The following OR2T1 variants were observed in gnomAD, a reference collection of about 807,000 sequenced individuals.
The protein encoded by OR2T1 is olfactory receptor family 2 subfamily T member 1.
For synonymous variants in OR2T1, 186 were observed against 145.4 expected (o/e 1.28, Z -2.01); for missense variants, 440 against 390.2 (o/e 1.13, Z -1.07).
chr1:248,407,399 CAAAG>C lies in OR2T1; in HGVS notation c.*299_*302del, dbSNP rs757570910. ...TCCAATCTTTCCCCGCTTTTGGTCA[CAAAG>C]AAATTATCTGACTACCTTGTCTGAC... On this transcript the variant is annotated 3_prime_UTR_variant, in exon 2 of 2. Coordinates refer to ENST00000642005, the MANE Select transcript of OR2T1 (RefSeq NM_030904.2). The C allele has an allele frequency of 3.9e-5, 14 of 360,620 alleles. No homozygotes were observed. Among genetic ancestry groups the C allele is most frequent in the East Asian group, 3.6e-4 (8 of 22,154 alleles). The allele number at this position is 360,620 out of a possible 1,614,324, so 22.3% of individuals were successfully genotyped here.
chr1:248,406,962 T>C lies in OR2T1; in HGVS notation c.815T>C (p.Val272Ala), dbSNP rs772897580. ...TACCACAAGCCAGCCCAGGACAAAGTCCTCTCTGTGTTTTACACCATTCTC... is the reference window on the plus strand; with the variant it reads ...TACCACAAGCCAGCCCAGGACAAAGCCCTCTCTGTGTTTTACACCATTCTC... The part of the protein sequence containing the change: ...HSYHKPAQDK[V>A]LSVFYTILTP... The change falls in exon 2 of 2, where the codon GTC becomes GCC. Residue 272 changes from valine (V) to alanine (A), a missense_variant. By Grantham distance (64) the Val-to-Ala change is moderately conservative. Transcript: ENST00000642005. 1 of 1,614,098 alleles carries C rather than the reference T, an allele frequency of 6.2e-7. No individual in the cohort carries two copies. The highest frequency in any genetic ancestry group is 1.1e-5 in the South Asian group (1 of 91,082).
intron 1 of OR2T1, among the ~76,000 whole-genome samples, chr1:248,404,954 T>A (rs565604861): frequency 6.6e-6 from 1 of 152,302 alleles, no homozygotes; most frequent in East Asian, 1.9e-4. Context: ...CCTCACTTCT[T>A]AGTTTTATTG....
In OR2T1 at chr1:248,406,795, C is replaced by A. The variant is rs1558315656; in HGVS notation, c.648C>A (p.Ser216=). ...TTCCTTTCTCTGTAGTCCTTGCTTC[C>A]TATGCCCGAATCCTGACTACAGTTC... is the stretch of plus-strand genomic sequence containing the variant. ...LLIPFSVVLA[S]YARILTTVQC... The change falls in exon 2 of 2, where the codon TCC becomes TCA. Residue 216 remains serine (S), a synonymous_variant. Transcript: ENST00000642005. 1 of 1,614,184 alleles carries A rather than the reference C, an allele frequency of 6.2e-7. No homozygotes were observed. The highest frequency in any genetic ancestry group is 2.2e-5 in the East Asian group (1 of 44,872).
chr1:248,404,075 A>C (rs1265533317), intron 1 of OR2T1, among the ~76,000 whole-genome samples: 2 of 138,260 alleles, frequency 1.4e-5, no homozygotes, highest in African/African-American at 5.3e-5. Flanking sequence ...CTGTAACCTG[A>C]AATTGTATAA....
In OR2T1 at chr1:248,407,877, A is replaced by C. The variant is rs1661604678; in HGVS notation, c.*773A>C. ...TAAACATAGGTAAGTGTTTCCTTGA[A>C]TTCTGTGAGCCTTTATAGTAAACTA... On this transcript the variant is annotated 3_prime_UTR_variant, in exon 2 of 2. Transcript: ENST00000642005. The C allele has an allele frequency of 8.8e-6, 1 of 113,950 alleles. No homozygotes were observed. The highest frequency in any genetic ancestry group is 1.1e-4 in the Admixed American group (1 of 9,090). The allele number at this position is 113,950 out of a possible 1,614,324, so 7.1% of individuals were successfully genotyped here.
In OR2T1 at chr1:248,407,908, A is replaced by G. The variant is rs1170827148; in HGVS notation, c.*804A>G. The stretch of plus-strand genomic sequence containing the variant: ...TGAGCCTTTATAGTAAACTAACTGA[A>G]CCCAAGGAAGGGCCGTGGGATCCCC... On this transcript the variant is annotated 3_prime_UTR_variant, in exon 2 of 2. Coordinates refer to ENST00000642005, the MANE Select transcript of OR2T1 (RefSeq NM_030904.2). The G allele has an allele frequency of 6.6e-6, 1 of 152,236 alleles. No individual in the cohort carries two copies. The highest frequency in any genetic ancestry group is 2.4e-5 in the African/African-American group (1 of 41,446). The allele number at this position is 152,236 out of a possible 1,614,324, so 9.4% of individuals were successfully genotyped here.
In OR2T1 at chr1:248,407,216, G is replaced by T; in HGVS notation, c.*112G>T. The stretch of plus-strand genomic sequence containing the variant: ...GAGGGAGTCATATGATTACAATATT[G>T]GTTTTTTGGCTAGGGTTTCTGGTTC... On this transcript the variant is annotated 3_prime_UTR_variant, in exon 2 of 2. Transcript: ENST00000642005. The T allele has an allele frequency of 8.8e-7, 1 of 1,130,728 alleles. No homozygotes were observed. The highest frequency in any genetic ancestry group is 1.2e-6 in the Non-Finnish European group (1 of 801,692). The allele number at this position is 1,130,728 out of a possible 1,614,324, so 70.0% of individuals were successfully genotyped here.
rs546532123 is a variant in OR2T1, at chr1:248,406,802, C to T, written c.655C>T (p.Arg219Ter). ...CTCTGTAGTCCTTGCTTCCTATGCC[C>T]GAATCCTGACTACAGTTCAGTGCAT... Reference protein sequence around the residue: ...PFSVVLASYARILTTVQCMSS... With the variant: ...PFSVVLASYA The change falls in exon 2 of 2, where the codon CGA becomes TGA. Residue 219 changes from arginine to a stop codon, truncating the protein, a stop_gained. Transcript: ENST00000642005. LOFTEE classifies it low-confidence loss of function (END_TRUNC). 3.5e-5 allele frequency: 57 copies of T among 1,613,968 alleles called. No individual in the cohort carries two copies. In the Middle Eastern group the frequency reaches 9.9e-4, roughly 28 times the overall value.
chr1:248,404,245 G>GGCTATTACAAAT, intron 1 of OR2T1, among the ~76,000 whole-genome samples: 34 of 151,050 alleles, frequency 2.3e-4, no homozygotes, highest in East Asian at 3.9e-4. Flanking sequence ...AGACAGCAGA[G>GGCTATTACAAAT]ACCACTGTTT....
chr1:248,406,049 T>G, intron 1 of OR2T1, 66 bp from the exon 2 acceptor site: 2 of 1,613,186 alleles, frequency 1.2e-6, no homozygotes, highest in Non-Finnish European at 1.7e-6. Context: ...AAAAGTTTGC[T>G]GCCTAACAAT....
rs940613468 is a variant in OR2T1 at position 248,407,640 on chromosome 1, T to C, written c.*536T>C. The C allele has an allele frequency of 3.3e-5, 5 of 152,600 alleles. No homozygotes were observed. Among genetic ancestry groups the C allele is most frequent in the Admixed American group, 3.3e-4 (5 of 15,286 alleles). The allele number at this position is 152,600 out of a possible 1,614,324, so 9.5% of individuals were successfully genotyped here. On this transcript the variant is annotated 3_prime_UTR_variant, in exon 2 of 2. Coordinates refer to ENST00000642005, the MANE Select transcript of OR2T1 (RefSeq NM_030904.2). ...ATGACTATTCAATAAAGTCTCCATA[T>C]AAGGGCCAAAAGGAGAGGACAGAAA... is the stretch of plus-strand genomic sequence containing the variant.
chr1:248,406,253 A>G lies in OR2T1; in HGVS notation c.106A>G (p.Thr36Ala). ...IFAIISIIFF[T>A]ALMANGVMIF... is the part of the protein sequence containing the mutation. Reference sequence around the variant, plus strand: ...TGCCATCATCTCTATCATCTTCTTCACCGCACTGATGGCCAATGGGGTTAT... The same window carrying G: ...TGCCATCATCTCTATCATCTTCTTCGCCGCACTGATGGCCAATGGGGTTAT... Residue 36 changes from threonine (T) to alanine (A), a missense_variant, in exon 2 of 2, where the codon ACC (threonine) becomes GCC (alanine). By Grantham distance (58) the Thr-to-Ala change is moderately conservative. Coordinates refer to ENST00000642005, the MANE Select transcript of OR2T1 (RefSeq NM_030904.2). The G allele has an allele frequency of 1.2e-6, 2 of 1,614,106 alleles. No homozygotes were observed. The highest frequency in any genetic ancestry group is 2.2e-5 in the South Asian group (2 of 91,070).
In OR2T1 at chr1:248,406,115, A is replaced by T. The variant is rs374334348; in HGVS notation, c.-33A>T. ...GGAATGCTATCATCTTATTTGGAAG[A>T]TATTACCTTATATCGGCACAACTGT... is the stretch of plus-strand genomic sequence containing the variant. On this transcript the variant is annotated splice_region_variant and 5_prime_UTR_variant, in exon 2 of 2. Coordinates refer to ENST00000642005, the MANE Select transcript of OR2T1 (RefSeq NM_030904.2). 2.5e-5 allele frequency: 41 copies of T among 1,613,956 alleles called. No individual in the cohort carries two copies. The highest frequency in any genetic ancestry group is 3.4e-5 in the Non-Finnish European group (40 of 1,179,978).
intron 1 of OR2T1, among the ~76,000 whole-genome samples, chr1:248,403,998 CTT>C (rs893928357): frequency 2.8e-5 from 4 of 140,896 alleles, no homozygotes; most frequent in African/African-American, 5.4e-5. Flanking sequence ...AATGTATATA[CTT>C]ATATATATAT....
chr1:248,404,353 A>G (rs1661509334), intron 1 of OR2T1, among the ~76,000 whole-genome samples: 1 of 111,100 alleles, frequency 9.0e-6, no homozygotes, highest in Non-Finnish European at 2.0e-5. Context: ...AAGTAGCTGA[A>G]ATACTGCTAA....
intron 1 of OR2T1, among the ~76,000 whole-genome samples, chr1:248,404,149 C>T (rs977058443): frequency 0.011 from 4 of 374 alleles, no homozygotes; most frequent in Non-Finnish European, 0.018. Flanking sequence ...CAAAAATCAT[C>T]GGTGAGTTAT....
At position 248,406,817 on chromosome 1, in the gene OR2T1, G is replaced by T. The variant is rs1661572177; in HGVS notation, c.670G>T (p.Val224Phe). The T allele has an allele frequency of 6.2e-7, 1 of 1,614,060 alleles. No homozygotes were observed. The highest frequency in any genetic ancestry group is 8.5e-7 in the Non-Finnish European group (1 of 1,180,034). ...TTCCTATGCCCGAATCCTGACTACA[G>T]TTCAGTGCATGAGCTCAGTGGAGGG... Reference protein sequence around the residue: ...LASYARILTTVQCMSSVEGRK... With the variant: ...LASYARILTTFQCMSSVEGRK... The change falls in exon 2 of 2, where the codon GTT becomes TTT. Residue 224 changes from valine (V) to phenylalanine (F), a missense_variant. By Grantham distance (50) the Val-to-Phe change is conservative. Coordinates refer to ENST00000642005, the MANE Select transcript of OR2T1 (RefSeq NM_030904.2).
At position 248,407,878 on chromosome 1, in the gene OR2T1, T is replaced by G. The variant is rs1391555303; in HGVS notation, c.*774T>G. The G allele has an allele frequency of 8.8e-6, 1 of 113,976 alleles. No individual in the cohort carries two copies. Among genetic ancestry groups the G allele is most frequent in the African/African-American group, 2.6e-5 (1 of 39,038 alleles). The allele number at this position is 113,976 out of a possible 1,614,324, so 7.1% of individuals were successfully genotyped here. On this transcript the variant is annotated 3_prime_UTR_variant, in exon 2 of 2. Coordinates refer to ENST00000642005, the MANE Select transcript of OR2T1 (RefSeq NM_030904.2). The stretch of plus-strand genomic sequence containing the variant: ...AAACATAGGTAAGTGTTTCCTTGAA[T>G]TCTGTGAGCCTTTATAGTAAACTAA...
rs1348698746 is a variant in OR2T1 at position 248,407,378 on chromosome 1, A to G, written c.*274A>G. 3 of 393,268 alleles carry G rather than the reference A, an allele frequency of 7.6e-6. No individual in the cohort carries two copies. The highest frequency in any genetic ancestry group is 1.3e-5 in the Non-Finnish European group (3 of 223,360). 24.4% of individuals were successfully genotyped at this position (393,268 alleles called of 1,614,324 possible). A position where few individuals can be genotyped will look rare whatever the true frequency, so the allele number is the denominator to read the frequency against. On this transcript the variant is annotated 3_prime_UTR_variant, in exon 2 of 2. Transcript: ENST00000642005. ...CCTTAGAAACTAAAAATATAATCCA[A>G]TCTTTCCCCGCTTTTGGTCACAAAG...
Sources: gnomAD v4.1 joint callset for allele counts (sites outside exome capture counted in the v4.1 genomes callset) on GRCh38, gnomAD v4.1.1 for gene constraint, MANE v1.5 for transcripts, NCBI Gene and HGNC (gene_info 2026-07-23, HGNC 2026-07-21) for gene names.